Variants in PPP3CA observed in about 807,000 individuals in gnomAD.
The protein encoded by PPP3CA is CAM-PRP catalytic subunit.
PPP3CA carries 14 observed loss-of-function variants against 66.5 expected under a neutral mutation model. The observed-to-expected ratio is 0.21, with a 90% CI of 0.14 to 0.33. The LOEUF (loss-of-function observed/expected upper bound fraction) is 0.33. PPP3CA is among the 10% of genes least tolerant of loss of function. PPP3CA has a pLI of 1.00. For missense variants in PPP3CA, 317 were observed against 639.5 expected, an observed-to-expected ratio of 0.50 and a Z score of 5.44; for synonymous variants, 232 against 226.2, an observed-to-expected ratio of 1.03 and a Z score of -0.23.
intron 1 of PPP3CA, among the ~76,000 whole-genome samples, chr4:101,221,555 T>C (rs910376370): frequency 1.3e-5 from 2 of 151,456 alleles, no homozygotes; most frequent in Admixed American, 6.6e-5. Flanking sequence ...GAGAATTCCA[T>C]TCACTTCGCT....
chr4:101,266,807 A>T (rs1727182465), intron 1 of PPP3CA, among the ~76,000 whole-genome samples: 1 of 152,222 alleles, frequency 6.6e-6, no homozygotes, highest in Admixed American at 6.6e-5. Context: ...TTAAGAGAAC[A>T]GTATCTTTCC....
chr4:101,115,660 A>C (rs1042910121), intron 2 of PPP3CA, among the ~76,000 whole-genome samples: 1 of 151,936 alleles, frequency 6.6e-6, no homozygotes, highest in African/African-American at 2.4e-5. Context: ...GCTTGAAAAG[A>C]ACTCTGATAC....
chr4:101,178,044 C>T (rs1724118977), intron 2 of PPP3CA, among the ~76,000 whole-genome samples: 1 of 152,170 alleles, frequency 6.6e-6, no homozygotes, highest in South Asian at 2.1e-4. Context: ...TCAGTTATTA[C>T]GTGAGGAGCT....
rs138027366 is a variant in PPP3CA at position 101,024,243 on chromosome 4, T to C, written c.*1622A>G. On this transcript the variant is annotated 3_prime_UTR_variant, in exon 14 of 14. Transcript: ENST00000394854. ...CCTGTGGAAATCAGCCTGTGATGTGTGGTGGTGGGCCAGCACCTAGAAGAC... is the reference window on the plus strand; with the variant it reads ...CCTGTGGAAATCAGCCTGTGATGTGCGGTGGTGGGCCAGCACCTAGAAGAC... The C allele has an allele frequency of 6.6e-6, 1 of 152,258 alleles. No individual in the cohort carries two copies. The highest frequency in any genetic ancestry group is 2.1e-4 in the South Asian group (1 of 4,830). 9.4% of individuals were successfully genotyped at this position (152,258 alleles called of 1,614,324 possible).
intron 2 of PPP3CA, among the ~76,000 whole-genome samples, chr4:101,167,931 T>A (rs13111186): frequency 0.5 from 75,604 of 151,664 alleles, 19,985 homozygotes; most frequent in Middle Eastern, 0.64. Flanking sequence ...GGCCTTGGAG[T>A]TGAGGTAAAG....
intron 1 of PPP3CA, among the ~76,000 whole-genome samples, chr4:101,324,692 A>C (rs13125818): frequency 6.9e-6 from 1 of 144,400 alleles, no homozygotes; most frequent in Non-Finnish European, 1.5e-5. Context: ...GAATGGAACA[A>C]CAAAAAAAAA....
chr4:101,040,330 C>T, intron 11 of PPP3CA, 152 bp downstream of exon 11: 1 of 543,274 alleles, frequency 1.8e-6, no homozygotes, highest in Admixed American at 3.9e-5. Flanking sequence ...CTGACAATTT[C>T]TCATTTAATT....
intron 1 of PPP3CA, among the ~76,000 whole-genome samples, chr4:101,257,781 C>T (rs1019242913): frequency 1.4e-4 from 22 of 152,008 alleles, no homozygotes; most frequent in Admixed American, 1.2e-3. Flanking sequence ...TTACTGAATA[C>T]GCATTATTTG....
chr4:101,189,160 T>C (rs1453197507), intron 2 of PPP3CA, among the ~76,000 whole-genome samples: 1 of 152,032 alleles, frequency 6.6e-6, no homozygotes, highest in East Asian at 1.9e-4. Context: ...AAAAGATAAC[T>C]GCTATGTAAA....
chr4:101,233,092 A>G (rs891047773), intron 1 of PPP3CA, among the ~76,000 whole-genome samples: 4 of 151,868 alleles, frequency 2.6e-5, no homozygotes, highest in South Asian at 4.1e-4. Context: ...TAGGAAAACT[A>G]TAAGACACTA....
intron 2 of PPP3CA, among the ~76,000 whole-genome samples, chr4:101,153,840 C>G (rs764564204): frequency 3.4e-4 from 52 of 152,270 alleles, no homozygotes; most frequent in Admixed American, 9.2e-4. Flanking sequence ...CTCAGGCATA[C>G]TTCCTGCAAT....
At chr4:101,094,209 C>T (rs989768401) in intron 5 of PPP3CA, among the ~76,000 whole-genome samples, 1 of 152,134 alleles carries the variant, frequency 6.6e-6, no homozygotes, top group Non-Finnish European at 1.5e-5. Context: ...CGCAGTTTCT[C>T]ATTTCTCCTA....
chr4:101,237,656 T>C (rs957031260), intron 1 of PPP3CA, among the ~76,000 whole-genome samples: 5 of 152,062 alleles, frequency 3.3e-5, no homozygotes, highest in African/African-American at 1.2e-4. Flanking sequence ...ACAATATATC[T>C]TCATCACTAG....
intron 1 of PPP3CA, among the ~76,000 whole-genome samples, chr4:101,209,154 A>G (rs1348905658): frequency 1.3e-5 from 2 of 152,164 alleles, no homozygotes; most frequent in East Asian, 3.8e-4. Flanking sequence ...CATAATAGAG[A>G]TTTTAACAGT....
chr4:101,243,129 A>C (rs1343863033), intron 1 of PPP3CA, among the ~76,000 whole-genome samples: 1 of 152,114 alleles, frequency 6.6e-6, no homozygotes, highest in Non-Finnish European at 1.5e-5. Flanking sequence ...CACCTTTATC[A>C]ACCTACAAAC....
At chr4:101,126,004 G>A (rs1385729681) in intron 2 of PPP3CA, among the ~76,000 whole-genome samples, 2 of 152,160 alleles carry the variant, frequency 1.3e-5, no homozygotes, top group Non-Finnish European at 2.9e-5. Context: ...ATGGTAGGGG[G>A]TAGGAAGAGA....
intron 12 of PPP3CA, among the ~76,000 whole-genome samples, chr4:101,031,934 A>G (rs2110204906): frequency 6.6e-6 from 1 of 152,368 alleles, no homozygotes; most frequent in South Asian, 2.1e-4. Flanking sequence ...GTGATTAAAA[A>G]GTTGTTTTTG....
intron 2 of PPP3CA, among the ~76,000 whole-genome samples, chr4:101,117,106 T>C (rs1434594728): frequency 6.6e-6 from 1 of 151,864 alleles, no homozygotes; most frequent in African/African-American, 2.4e-5. Context: ...GATGCTGTTT[T>C]ATGAAGATAA....
At position 101,056,899 on chromosome 4, in the gene PPP3CA, A is replaced by G. The variant is rs114102938; in HGVS notation, c.1156+4188T>C. ...GTCAATAAACAGTATTCCCAAAGAA[A>G]ACCAAGGATTTCTGAGAAGCTTTAC... On this transcript the variant is annotated intron_variant, in intron 10 of 13. Coordinates refer to ENST00000394854, the MANE Select transcript of PPP3CA (RefSeq NM_000944.5). 8.7e-3 allele frequency among the ~76,000 whole-genome samples: 1,322 copies of G among 152,194 alleles called. 26 individuals carry two copies. The highest frequency in any genetic ancestry group is 0.031 in the African/African-American group (1,268 of 41,560).
Sources: gnomAD v4.1 joint callset for allele counts (sites outside exome capture counted in the v4.1 genomes callset) on GRCh38, gnomAD v4.1.1 for gene constraint, MANE v1.5 for transcripts, NCBI Gene and HGNC (gene_info 2026-07-23, HGNC 2026-07-21) for gene names.